The following IFT81 variants were observed in gnomAD, a reference collection of about 807,000 sequenced individuals.
The protein encoded by IFT81 is intraflagellar transport protein 81 homolog.
Under a neutral mutation model 102.6 loss-of-function variants are expected in IFT81, and 72 were observed. That is an observed-to-expected ratio of 0.70 (90% CI 0.58 to 0.85). The LOEUF (loss-of-function observed/expected upper bound fraction) is 0.85. Ranked by LOEUF, IFT81 falls within the 40% of genes least tolerant of loss-of-function variation. The pLI, the probability that IFT81 is intolerant of heterozygous loss-of-function variation, is 0.00. For synonymous variants in IFT81, 237 were observed against 242.7 expected, an observed-to-expected ratio of 0.98 and a Z score of 0.22; for missense variants, 723 against 787.3, an observed-to-expected ratio of 0.92 and a Z score of 0.98.
In IFT81 at chr12:110,128,944, T is replaced by C. The variant is rs775874840; in HGVS notation, c.249-6T>C. On this transcript the variant is annotated splice_region_variant and splice_polypyrimidine_tract_variant and intron_variant, in intron 3 of 18. Transcript: ENST00000242591. ...GTGTGTTTGTGTATGTGTGTTTCTCTCTTAGGAGTACTTTTCGTCAGGGTT... is the reference window on the plus strand; with the variant it reads ...GTGTGTTTGTGTATGTGTGTTTCTCCCTTAGGAGTACTTTTCGTCAGGGTT... 6.2e-7 allele frequency: 1 copy of C among 1,611,614 alleles called. No individual in the cohort carries two copies. Among genetic ancestry groups the C allele is most frequent in the South Asian group, 1.1e-5 (1 of 90,858 alleles).
intron 12 of IFT81, among the ~76,000 whole-genome samples, chr12:110,187,407 G>A (rs1299046660): frequency 1.3e-5 from 2 of 152,048 alleles, no homozygotes; most frequent in Non-Finnish European, 2.9e-5. Context: ...GGGACTACAG[G>A]CACCCACCAC....
chr12:110,163,523 G>A (rs1167029855), intron 11 of IFT81, among the ~76,000 whole-genome samples: 2 of 151,986 alleles, frequency 1.3e-5, no homozygotes, highest in Non-Finnish European at 2.9e-5. Context: ...TTACAGGCGT[G>A]AGCCACCACG....
chr12:110,140,142 T>G (rs1894801177), intron 8 of IFT81, among the ~76,000 whole-genome samples: 1 of 152,188 alleles, frequency 6.6e-6, no homozygotes, highest in South Asian at 2.1e-4. Context: ...TTGGGTTACA[T>G]GTGCTGAATA....
chr12:110,184,941 T>C (rs74869428), intron 12 of IFT81, among the ~76,000 whole-genome samples: 19 of 152,292 alleles, frequency 1.2e-4, no homozygotes, highest in African/African-American at 4.1e-4. Context: ...GCCAACTCTC[T>C]TGAAAGCAAT....
intron 4 of IFT81, among the ~76,000 whole-genome samples, chr12:110,130,126 T>C (rs1352641479): frequency 6.6e-6 from 1 of 152,216 alleles, no homozygotes; most frequent in Non-Finnish European, 1.5e-5. Context: ...GACATGGCAG[T>C]AACTCAAAAT....
intron 10 of IFT81, 121 bp from the exon 11 acceptor site, chr12:110,162,798 A>G: frequency 1.3e-6 from 1 of 796,510 alleles, no homozygotes; most frequent in South Asian, 1.9e-5. Context: ...GTATTGGTTA[A>G]GAGAGGCCAA....
intron 11 of IFT81, among the ~76,000 whole-genome samples, chr12:110,173,948 C>T (rs983509354): frequency 1.3e-5 from 2 of 149,032 alleles, no homozygotes; most frequent in African/African-American, 5.0e-5. Flanking sequence ...GAGAAACACC[C>T]AAGAATGATC....
intron 11 of IFT81, among the ~76,000 whole-genome samples, chr12:110,167,054 A>G (rs1053356774): frequency 6.6e-6 from 1 of 152,074 alleles, no homozygotes; most frequent in Non-Finnish European, 1.5e-5. Flanking sequence ...GGTGAAGTAT[A>G]CATTTTGATG....
At position 110,128,110 on chromosome 12, in the gene IFT81, G is replaced by A; in HGVS notation, c.209G>A (p.Gly70Asp). 1 of 1,613,152 alleles carries A rather than the reference G, an allele frequency of 6.2e-7. No homozygotes were observed. Among genetic ancestry groups the A allele is most frequent in the Non-Finnish European group, 8.5e-7 (1 of 1,179,282 alleles). ...QTAKRMLSLLGILKYKPSGNA... is the reference protein window; with the variant it reads ...QTAKRMLSLLDILKYKPSGNA... ...GCCAAACGAATGTTGAGCCTTCTTG[G>A]TATTCTTAAGTACAAACCTTCAGGA... The change falls in exon 3 of 19, where the codon GGT (glycine) becomes GAT (aspartate). Residue 70 changes from glycine (G) to aspartate (D), a missense_variant. Coordinates refer to ENST00000242591, the MANE Select transcript of IFT81 (RefSeq NM_014055.4).
chr12:110,157,981 T>C (rs1895935984), intron 10 of IFT81, among the ~76,000 whole-genome samples: 1 of 152,202 alleles, frequency 6.6e-6, no homozygotes, highest in African/African-American at 2.4e-5. Flanking sequence ...AAGACAGTAG[T>C]TTTAAAGTCT....
chr12:110,157,617 C>G (rs555035262), intron 10 of IFT81, among the ~76,000 whole-genome samples: 2 of 151,922 alleles, frequency 1.3e-5, no homozygotes, highest in Admixed American at 1.3e-4. Flanking sequence ...CTATCTGTCC[C>G]TTTCTCTTTG....
intron 15 of IFT81, 165 bp downstream of exon 15, chr12:110,204,115 G>A (rs1166875925): frequency 5.6e-6 from 3 of 537,360 alleles, no homozygotes; most frequent in African/African-American, 1.9e-5. Flanking sequence ...GGGCCACAGA[G>A]CAAGACTCTC....
chr12:110,188,985 A>G (rs760649947), intron 12 of IFT81, among the ~76,000 whole-genome samples: 11 of 152,024 alleles, frequency 7.2e-5, no homozygotes, highest in Non-Finnish European at 1.5e-4. Context: ...GCCAAATCCA[A>G]TGATTAATTA....
At chr12:110,180,782 T>C (rs1223582749) in intron 12 of IFT81, among the ~76,000 whole-genome samples, 1 of 152,238 alleles carries the variant, frequency 6.6e-6, no homozygotes, top group African/African-American at 2.4e-5. Context: ...TTCGGGGTTA[T>C]TAATAGAAAA....
chr12:110,145,139 CCT>C (rs1418273828), intron 9 of IFT81, among the ~76,000 whole-genome samples: 1 of 149,710 alleles, frequency 6.7e-6, no homozygotes, highest in Non-Finnish European at 1.5e-5. Context: ...CTCAAGTGAT[CCT>C]CCACCTGAGC....
rs530675454 is a variant in IFT81, at chr12:110,147,017, T to C, written c.1010T>C (p.Ile337Thr). The change falls in exon 10 of 19, where the codon ATT becomes ACT. Residue 337 changes from isoleucine to threonine, a missense_variant. By Grantham distance (89) the Ile-to-Thr change is moderately conservative. Transcript: ENST00000242591. ...AAGAAAATGATGAGAAATGAGCCCA[T>C]TGAAGGCAAACTCTCACTGTATAGG... ...IEKKMMRNEP[I>T]EGKLSLYRQQ... The C allele has an allele frequency of 2.5e-6, 4 of 1,611,558 alleles. No homozygotes were observed. The highest frequency in any genetic ancestry group is 1.1e-5 in the South Asian group (1 of 90,768).
intron 13 of IFT81, among the ~76,000 whole-genome samples, chr12:110,191,754 G>C (rs531525122): frequency 1.3e-5 from 2 of 152,100 alleles, no homozygotes; most frequent in South Asian, 4.2e-4. Context: ...TATATTACTT[G>C]TTGGTAAATA....
rs371719981 is a variant in IFT81 at position 110,136,831 on chromosome 12, G to T, written c.752G>T (p.Arg251Leu). The change falls in exon 8 of 19, where the codon CGC becomes CTC. Residue 251 changes from arginine to leucine, a missense_variant. Coordinates refer to ENST00000242591, the MANE Select transcript of IFT81 (RefSeq NM_014055.4). ...GTACAAAACCAGCTGAAAAGCATGC[G>T]CCAAGCTGCAGCAGATGCAAAGCCT... ...QRVQNQLKSM[R>L]QAAADAKPES... is the part of the protein sequence containing the mutation. 6.2e-7 allele frequency: 1 copy of T among 1,611,650 alleles called. No individual in the cohort carries two copies.
At position 110,129,103 on chromosome 12, in the gene IFT81, T is replaced by C. The variant is rs1171985544; in HGVS notation, c.402T>C (p.Asp134=). ...KLEVPSEFLQ[D]ETVADTNKQY... ...AGGTACCAAGTGAGTTTCTTCAGGA[T>C]GAAACTGTGGCTGACACCAATAAAC... Residue 134 remains aspartate (D), a synonymous_variant, in exon 4 of 19, where the codon GAT becomes GAC. Transcript: ENST00000242591. 1.9e-6 allele frequency: 3 copies of C among 1,601,310 alleles called. No individual in the cohort carries two copies. The highest frequency in any genetic ancestry group is 2.5e-6 in the Non-Finnish European group (3 of 1,176,506).
Sources: gnomAD v4.1 joint callset for allele counts (sites outside exome capture counted in the v4.1 genomes callset) on GRCh38, gnomAD v4.1.1 for gene constraint, MANE v1.5 for transcripts, NCBI Gene and HGNC (gene_info 2026-07-23, HGNC 2026-07-21) for gene names.